The following OLFM2 variants were observed in gnomAD, a reference collection of about 807,000 sequenced individuals.
The protein encoded by OLFM2 is noelin-2.
Under a neutral mutation model 43.9 loss-of-function variants are expected in OLFM2, and 20 were observed. The ratio of observed to expected loss-of-function variants is 0.46; its 90% CI spans 0.32 to 0.66. The LOEUF (loss-of-function observed/expected upper bound fraction) is 0.66, where lower values mean the gene tolerates loss of function less well. Ranked by LOEUF, OLFM2 falls within the 30% of genes least tolerant of loss-of-function variation. The pLI, the probability that OLFM2 is intolerant of heterozygous loss-of-function variation, is 0.04. For synonymous variants in OLFM2, 268 were observed against 278.6 expected (o/e 0.96, Z 0.38); for missense variants, 416 against 643.6 (o/e 0.65, Z 3.83).
chr19:9,876,900 A>G (rs2046493366), intron 1 of OLFM2, among the ~76,000 whole-genome samples: 1 of 152,176 alleles, frequency 6.6e-6, no homozygotes, highest in South Asian at 2.1e-4. Context: ...TTAAAGTGAA[A>G]GCAAGTTTAT....
chr19:9,918,174 T>C (rs2086397406), intron 1 of OLFM2, among the ~76,000 whole-genome samples: 1 of 148,410 alleles, frequency 6.7e-6, no homozygotes, highest in South Asian at 2.2e-4. Context: ...CCACCATGCC[T>C]GGCCACTTTA....
At chr19:9,926,372 G>A (rs1399186276) in intron 1 of OLFM2, among the ~76,000 whole-genome samples, 1 of 151,272 alleles carries the variant, frequency 6.6e-6, no homozygotes, top group Non-Finnish European at 1.5e-5. Flanking sequence ...CTAACATGGT[G>A]AAACCCCATC....
chr19:9,929,399 C>T (rs2086470243), intron 1 of OLFM2, among the ~76,000 whole-genome samples: 1 of 151,384 alleles, frequency 6.6e-6, no homozygotes, highest in Non-Finnish European at 1.5e-5. Flanking sequence ...TTGAGACCAG[C>T]CTGAACAACA....
rs966247831 is a variant in OLFM2, at chr19:9,898,203, G to A, written c.64-37409C>T. ...TGGGATTACAGGCATGAGCCATAGC[G>A]CCTGGCCCCAGCTAATTTTTTTAAA... On this transcript the variant is annotated intron_variant, in intron 1 of 5. Transcript: ENST00000264833. Among the ~76,000 whole-genome samples, 13 of 149,610 alleles carry A rather than the reference G, an allele frequency of 8.7e-5. No homozygotes were observed. In the East Asian group the frequency reaches 1.9e-3, roughly 22 times the overall value.
At chr19:9,862,952 T>C (rs2046375028) in intron 1 of OLFM2, among the ~76,000 whole-genome samples, 1 of 148,680 alleles carries the variant, frequency 6.7e-6, no homozygotes, top group South Asian at 2.1e-4. Context: ...TCACACCACT[T>C]TACTCCAGCC....
chr19:9,914,294 G>A (rs1020221789), intron 1 of OLFM2, among the ~76,000 whole-genome samples: 1 of 152,082 alleles, frequency 6.6e-6, no homozygotes, highest in African/African-American at 2.4e-5. Context: ...GCGGGCATTG[G>A]GGGGCGTGGG....
chr19:9,889,815 T>C (rs1179299919), intron 1 of OLFM2, among the ~76,000 whole-genome samples: 1 of 152,090 alleles, frequency 6.6e-6, no homozygotes, highest in African/African-American at 2.4e-5. Flanking sequence ...TCTGTGAGCT[T>C]TGGATGGGGC....
chr19:9,936,162 C>A, intron 1 of OLFM2, 142 bp downstream of exon 1: 1 of 835,112 alleles, frequency 1.2e-6, no homozygotes, highest in East Asian at 3.7e-5. Context: ...CCCGGCCCCT[C>A]CCCCGCTGCG....
chr19:9,865,168 CTTT>C (rs35685928), intron 1 of OLFM2, among the ~76,000 whole-genome samples: 3 of 143,856 alleles, frequency 2.1e-5, no homozygotes, highest in African/African-American at 5.1e-5. Flanking sequence ...TTCTTCTCCT[CTTT>C]TTTTTTTTTT....
chr19:9,857,353 G>T lies in OLFM2; in HGVS notation c.490C>A (p.Gln164Lys), dbSNP rs371342419. The change falls in exon 4 of 6, where the codon CAG becomes AAG. Residue 164 changes from glutamine to lysine, a missense_variant. By Grantham distance (53) the Gln-to-Lys change is moderately conservative. Transcript: ENST00000264833. The surrounding 1 kb of genome is among the most constrained non-coding windows in gnomAD (Gnocchi z 5.7). ...TACCCGTAGGCACCCATCTCCTCCT[G>T]AATGGCCGCCAGACTGCCGGAGAGA... Reference protein sequence around the residue: ...RNLSGSLAAIQEEMGAYGYED... With the variant: ...RNLSGSLAAIKEEMGAYGYED... 6.2e-7 allele frequency: 1 copy of T among 1,614,172 alleles called. No individual in the cohort carries two copies. The highest frequency in any genetic ancestry group is 8.5e-7 in the Non-Finnish European group (1 of 1,180,016).
intron 1 of OLFM2, among the ~76,000 whole-genome samples, chr19:9,930,710 C>T (rs772070088): frequency 2.0e-5 from 3 of 151,720 alleles, no homozygotes; most frequent in Non-Finnish European, 4.4e-5. Context: ...AAAATTTAGC[C>T]GGCTGTGGTG....
chr19:9,894,576 G>A (rs2046667042), intron 1 of OLFM2, among the ~76,000 whole-genome samples: 1 of 151,420 alleles, frequency 6.6e-6, no homozygotes, highest in South Asian at 2.1e-4. Context: ...AGGTGTGGTG[G>A]TGCCTGCTTG....
chr19:9,855,789 G>A (rs2145428335), intron 5 of OLFM2, among the ~76,000 whole-genome samples: 1 of 152,178 alleles, frequency 6.6e-6, no homozygotes, highest in Admixed American at 6.5e-5. Context: ...GCCTGCCTCG[G>A]CCTCCTAAAG....
At chr19:9,905,041 G>C (rs2046773402) in intron 1 of OLFM2, among the ~76,000 whole-genome samples, 2 of 152,016 alleles carry the variant, frequency 1.3e-5, no homozygotes, top group African/African-American at 2.4e-5. Context: ...AAAAGTTGAG[G>C]CCAGGCACAG....
rs151305326 is a variant in OLFM2 at position 9,893,310 on chromosome 19, G to A, written c.64-32516C>T. Among the ~76,000 whole-genome samples, 527 of 152,016 alleles carry A rather than the reference G, an allele frequency of 3.5e-3. 9 individuals carry two copies. Among genetic ancestry groups the A allele is most frequent in the East Asian group, 0.029 (150 of 5,160 alleles). On this transcript the variant is annotated intron_variant, in intron 1 of 5. Transcript: ENST00000264833. ...CTCCCAAGTAGCTGGGATTACAGGC[G>A]CCTACCACCATGCCCAGCTAATTTT... is the stretch of plus-strand genomic sequence containing the variant.
At chr19:9,919,252 C>T (rs1456843747) in intron 1 of OLFM2, among the ~76,000 whole-genome samples, 2 of 151,424 alleles carry the variant, frequency 1.3e-5, no homozygotes, top group Non-Finnish European at 2.9e-5. Flanking sequence ...CTGCAAGTTC[C>T]GCTTCCCAGG....
At position 9,857,447 on chromosome 19, in the gene OLFM2, C is replaced by T. The variant is rs1227747733; in HGVS notation, c.396G>A (p.Leu132=). ...CCTTGTACTGCTCCAGGACCGAGCT[C>T]AGGGGCAACAGTTCCGTCATCCTGT... The part of the protein sequence containing the change: ...LKDRMTELLP[L]SSVLEQYKAD... The change falls in exon 4 of 6, where the codon CTG becomes CTA. Residue 132 remains leucine, a synonymous_variant. Transcript: ENST00000264833. The surrounding 1 kb of genome is among the most constrained non-coding windows in gnomAD (Gnocchi z 5.7). The T allele has an allele frequency of 6.2e-7, 1 of 1,613,942 alleles. No individual in the cohort carries two copies. Among genetic ancestry groups the T allele is most frequent in the East Asian group, 2.2e-5 (1 of 44,890 alleles).
intron 1 of OLFM2, among the ~76,000 whole-genome samples, chr19:9,874,910 G>A (rs908663343): frequency 6.6e-6 from 1 of 152,152 alleles, no homozygotes. Flanking sequence ...CACTGCACCC[G>A]TCCCCTAATG....
chr19:9,874,476 TTTTA>T, intron 1 of OLFM2, among the ~76,000 whole-genome samples: 2 of 151,130 alleles, frequency 1.3e-5, no homozygotes, highest in Non-Finnish European at 2.9e-5. Context: ...CACCACCGGC[TTTTA>T]TTTTATTTAT....
Sources: allele counts gnomAD v4.1 joint callset (sites outside exome capture counted in the v4.1 genomes callset), GRCh38; gene constraint gnomAD v4.1.1; non-coding constraint Gnocchi (gnomAD v3.1); transcripts MANE v1.5; gene names NCBI Gene and HGNC (gene_info 2026-07-23, HGNC 2026-07-21).